The following RARB variants were observed in gnomAD, a reference collection of about 807,000 sequenced individuals.
RARB encodes retinoic acid receptor beta, also known as HBV-activated protein.
RARB carries 17 observed loss-of-function variants against 51.9 expected under a neutral mutation model. The observed-to-expected ratio is 0.33, with a 90% CI of 0.22 to 0.49. The LOEUF is 0.49. Ranked by LOEUF, RARB falls within the 20% of genes least tolerant of loss-of-function variation. The pLI, the probability that RARB is intolerant of heterozygous loss-of-function variation, is 0.99. For missense variants in RARB, 369 were observed against 550.8 expected (o/e 0.67, Z 3.30); for synonymous variants, 215 against 195.4 (o/e 1.10, Z -0.84).
At chr3:24,843,141 T>A (rs140653061) in intron 1 of RARB, among the ~76,000 whole-genome samples, 30 of 152,282 alleles carry the variant, frequency 2.0e-4, no homozygotes, top group African/African-American at 7.2e-4. Flanking sequence ...ATGATAACCA[T>A]GCTTTAAAAA....
chr3:25,365,044 G>T lies in RARB; in HGVS notation c.179-96149G>T, dbSNP rs770236899. On this transcript the variant is annotated intron_variant, in intron 5 of 11. Coordinates refer to the RARB transcript ENST00000383772. Reference sequence around the variant, plus strand: ...TTGATGCTTTGTTTTGATATTTGGGGGATATCTAGAAATTTCCCATCACTC... The same window carrying T: ...TTGATGCTTTGTTTTGATATTTGGGTGATATCTAGAAATTTCCCATCACTC... Among the ~76,000 whole-genome samples the T allele has an allele frequency of 2.0e-5, 3 of 151,714 alleles. No homozygotes were observed. The South Asian group carries it at 6.3e-4, about 32-fold the overall frequency.
intron 3 of RARB, among the ~76,000 whole-genome samples, chr3:25,516,932 G>A (rs1395786162): frequency 6.6e-6 from 1 of 152,078 alleles, no homozygotes; most frequent in Non-Finnish European, 1.5e-5. Flanking sequence ...CAGCTTCCTT[G>A]TCCCTTTTAT....
At chr3:25,006,860 C>CT (rs1402661898) in intron 2 of RARB, among the ~76,000 whole-genome samples, 3 of 152,054 alleles carry the variant, frequency 2.0e-5, no homozygotes, top group Non-Finnish European at 4.4e-5. Context: ...CTAAATAGAA[C>CT]TTTTTTTAAC....
chr3:25,506,289 T>A (rs946016928), intron 3 of RARB, among the ~76,000 whole-genome samples: 8 of 149,568 alleles, frequency 5.3e-5, no homozygotes, highest in Non-Finnish European at 1.0e-4. Context: ...AGCTCTTTTT[T>A]AAAAGATGTT....
At chr3:24,966,426 T>C (rs1696274282) in intron 2 of RARB, among the ~76,000 whole-genome samples, 1 of 152,216 alleles carries the variant, frequency 6.6e-6, no homozygotes, top group South Asian at 2.1e-4. Flanking sequence ...CTATCATTTG[T>C]ACAATATCAG....
At chr3:24,891,615 T>A (rs1052831997) in intron 2 of RARB, among the ~76,000 whole-genome samples, 22 of 152,164 alleles carry the variant, frequency 1.4e-4, no homozygotes, top group Non-Finnish European at 2.6e-4. Flanking sequence ...ATCATAACTT[T>A]TTTGTGGCTA....
chr3:25,199,130 T>G (rs1330973812), intron 5 of RARB, among the ~76,000 whole-genome samples: 1 of 152,110 alleles, frequency 6.6e-6, no homozygotes, highest in Non-Finnish European at 1.5e-5. Context: ...AACAATGAGA[T>G]CCTGTCATTT....
At chr3:25,011,991 G>A (rs4280597) in intron 2 of RARB, among the ~76,000 whole-genome samples, 103,738 of 151,974 alleles carry the variant, frequency 0.68, 35,582 homozygotes, top group East Asian at 0.77. Context: ...AGACAGGACT[G>A]ACATCATCTG....
At chr3:24,856,924 A>T (rs191923416) in intron 1 of RARB, among the ~76,000 whole-genome samples, 22 of 152,280 alleles carry the variant, frequency 1.4e-4, no homozygotes, top group Non-Finnish European at 2.6e-4. Context: ...GAGTGTCAAG[A>T]TGAGCTTTCA....
intron 3 of RARB, among the ~76,000 whole-genome samples, chr3:25,107,355 T>G (rs1699526892): frequency 6.6e-6 from 1 of 152,230 alleles, no homozygotes; most frequent in African/African-American, 2.4e-5. Flanking sequence ...TTGTGTAAAG[T>G]GTAGAGAGGT....
At chr3:25,586,521 TGTTAAGGC>T (rs1436120666) in intron 5 of RARB, among the ~76,000 whole-genome samples, 20 of 152,080 alleles carry the variant, frequency 1.3e-4, no homozygotes, top group Non-Finnish European at 2.4e-4. Flanking sequence ...ATATCACGCC[TGTTAAGGC>T]TTCAAGATTT....
At chr3:25,157,619 A>T (rs1700400261) in intron 4 of RARB, among the ~76,000 whole-genome samples, 1 of 151,654 alleles carries the variant, frequency 6.6e-6, no homozygotes, top group African/African-American at 2.4e-5. Flanking sequence ...CTCGTCTCAA[A>T]CTCCTGGCCT....
chr3:25,104,308 C>T (rs959408694), intron 3 of RARB, among the ~76,000 whole-genome samples: 6 of 152,140 alleles, frequency 3.9e-5, no homozygotes, highest in African/African-American at 1.2e-4. Context: ...CTTTGGAAAT[C>T]TCTCACTATC....
Position 25,539,581 on chromosome 3 carries a change from CT to C in RARB, c.449-30166del, listed in dbSNP as rs34726255. 5.5e-4 allele frequency among the ~76,000 whole-genome samples: 57 copies of C among 103,984 alleles called. 1 individual carries two copies. The highest frequency in any genetic ancestry group is 2.2e-3 in the South Asian group (6 of 2,704). 68.2% of individuals were successfully genotyped at this position (103,984 alleles called of 152,430 possible). A position where few individuals can be genotyped will look rare whatever the true frequency, so the allele number is the denominator to read the frequency against. The stretch of plus-strand genomic sequence containing the variant: ...TTGGCCTATTTTTTCCCCTTTATTT[CT>C]TTTTTTTTTTCTCTTGTTTTGTATT... On this transcript the variant is annotated intron_variant, in intron 3 of 7. Transcript: ENST00000330688.
chr3:25,107,283 G>T (rs942766883), intron 3 of RARB, among the ~76,000 whole-genome samples: 2 of 152,130 alleles, frequency 1.3e-5, no homozygotes, highest in African/African-American at 4.8e-5. Context: ...ATTGTGCTCT[G>T]TTTTCTTGTT....
At chr3:25,416,206 AC>A (rs1707698533) in intron 5 of RARB, among the ~76,000 whole-genome samples, 1 of 152,152 alleles carries the variant, frequency 6.6e-6, no homozygotes, top group Non-Finnish European at 1.5e-5. Context: ...ATGTAGTGAT[AC>A]CTCATCTCTA....
chr3:24,917,912 G>A (rs1474459791), intron 2 of RARB, among the ~76,000 whole-genome samples: 1 of 152,246 alleles, frequency 6.6e-6, no homozygotes, highest in African/African-American at 2.4e-5. Context: ...AAGTACTGGT[G>A]AAGATGTAGG....
chr3:25,580,642 G>A lies in RARB; in HGVS notation c.706G>A (p.Ala236Thr). The change falls in exon 5 of 8, where the codon GCT becomes ACT. Residue 236 changes from alanine to threonine, a missense_variant. Ala to Thr is a moderately conservative substitution (Grantham distance 58). This residue lies in a region of RARB where 49 missense variants were observed against 103.4 expected (regional missense o/e 0.47). Coordinates refer to ENST00000330688, the MANE Select transcript of RARB (RefSeq NM_000965.5). Reference protein sequence around the residue: ...TKCIIKIVEFAKRLPGFTGLT... With the variant: ...TKCIIKIVEFTKRLPGFTGLT... ...GTGCATTATTAAGATCGTGGAGTTT[G>A]CTAAACGTCTGCCTGGTTTCACTGG... The A allele has an allele frequency of 6.2e-7, 1 of 1,613,232 alleles. No individual in the cohort carries two copies.
intron 2 of RARB, among the ~76,000 whole-genome samples, chr3:25,476,868 T>C (rs1695975772): frequency 6.6e-6 from 1 of 152,224 alleles, no homozygotes; most frequent in African/African-American, 2.4e-5. Flanking sequence ...GTCACTGTTT[T>C]TCTCTCCCAC....
Sources: gnomAD v4.1 joint callset for allele counts (sites outside exome capture counted in the v4.1 genomes callset) on GRCh38, gnomAD v4.1.1 for gene constraint, gnomAD v4.1.1 regional missense constraint, MANE v1.5 for transcripts, NCBI Gene and HGNC (gene_info 2026-07-23, HGNC 2026-07-21) for gene names.